OPRM1: variants seen among roughly 807,000 people sequenced by gnomAD.
The protein encoded by OPRM1 is opioid receptor mu 1.
OPRM1 carries 27 observed loss-of-function variants against 31.8 expected under a neutral mutation model. The observed-to-expected ratio is 0.85, with a 90% CI of 0.63 to 1.17. OPRM1 has a LOEUF of 1.17. Among genes scored for constraint, OPRM1 ranks in the 50% most tolerant of loss-of-function variants. OPRM1 has a pLI of 0.00. For missense variants in OPRM1, 536 were observed against 511.1 expected (o/e 1.05, Z -0.47); for synonymous variants, 196 against 189.9 (o/e 1.03, Z -0.26).
At chr6:154,166,202 G>T (rs1799410441) in intron 3 of OPRM1, among the ~76,000 whole-genome samples, 1 of 152,230 alleles carries the variant, frequency 6.6e-6, no homozygotes. Context: ...TGACAGAAAA[G>T]CAAAAGCTGC....
At position 154,091,103 on chromosome 6, in the gene OPRM1, C is replaced by T. The variant is rs1482798994; in HGVS notation, c.795C>T (p.Arg265=). The change falls in exon 3 of 4, where the codon CGC becomes CGT. Residue 265 remains arginine (R), a synonymous_variant. Coordinates refer to ENST00000330432, the MANE Select transcript of OPRM1 (RefSeq NM_000914.5). ...TGATCTTGCGCCTCAAGAGTGTCCG[C>T]ATGCTCTCTGGCTCCAAAGAAAAGG... is the stretch of plus-strand genomic sequence containing the variant. ...GLMILRLKSV[R]MLSGSKEKDR... is the part of the protein sequence containing the mutation. 2.5e-6 allele frequency: 4 copies of T among 1,614,064 alleles called. No homozygotes were observed. Among genetic ancestry groups the T allele is most frequent in the Non-Finnish European group, 3.4e-6 (4 of 1,180,038 alleles).
At position 154,074,683 on chromosome 6, in the gene OPRM1, C is replaced by T. The variant is rs561008455; in HGVS notation, c.291-15143C>T. On this transcript the variant is annotated intron_variant, in intron 1 of 3. Coordinates refer to ENST00000330432, the MANE Select transcript of OPRM1 (RefSeq NM_000914.5). ...GCTGAGGCAGGAGAATTGCTTGAACCTGGGAGGTGGGAGGTTGCAGTGAGC... is the reference window on the plus strand; with the variant it reads ...GCTGAGGCAGGAGAATTGCTTGAACTTGGGAGGTGGGAGGTTGCAGTGAGC... 2.6e-5 allele frequency among the ~76,000 whole-genome samples: 4 copies of T among 152,132 alleles called. No homozygotes were observed. The South Asian group carries it at 8.3e-4, about 32-fold the overall frequency.
At chr6:154,029,850 C>A (rs1038121014) in intron 1 of OPRM1, among the ~76,000 whole-genome samples, 6 of 152,188 alleles carry the variant, frequency 3.9e-5, no homozygotes, top group Non-Finnish European at 8.8e-5. Flanking sequence ...CTTCTCCTTG[C>A]CGCTGCCATG....
At chr6:154,100,137 A>AT (rs1491325160) in intron 3 of OPRM1, among the ~76,000 whole-genome samples, 19 of 95,024 alleles carry the variant, frequency 2.0e-4, no homozygotes, top group African/African-American at 3.1e-4. Flanking sequence ...ATGACATATA[A>AT]TATATATTAT....
chr6:154,077,844 C>A (rs1788212911), intron 1 of OPRM1, among the ~76,000 whole-genome samples: 1 of 151,864 alleles, frequency 6.6e-6, no homozygotes, highest in African/African-American at 2.4e-5. Context: ...TTTTCTAAAT[C>A]ATTGGCTTCC....
At chr6:154,047,859 T>C (rs1781464857) in intron 1 of OPRM1, among the ~76,000 whole-genome samples, 1 of 152,184 alleles carries the variant, frequency 6.6e-6, no homozygotes, top group South Asian at 2.1e-4. Flanking sequence ...ACTCTTACAG[T>C]GCTGGAGGCT....
intron 1 of OPRM1, among the ~76,000 whole-genome samples, chr6:154,014,397 A>C (rs1777892373): frequency 6.6e-6 from 1 of 152,312 alleles, no homozygotes; most frequent in East Asian, 1.9e-4. Context: ...TACAATGGAC[A>C]AAAAGCTGAG....
At chr6:154,102,617 T>A (rs1795003975) in intron 3 of OPRM1, among the ~76,000 whole-genome samples, 2 of 152,102 alleles carry the variant, frequency 1.3e-5, no homozygotes, top group Non-Finnish European at 2.9e-5. Flanking sequence ...GCATCCTTTG[T>A]CTCAACACAC....
intron 3 of OPRM1, among the ~76,000 whole-genome samples, chr6:154,232,434 T>C (rs1779796191): frequency 6.6e-6 from 1 of 152,144 alleles, no homozygotes; most frequent in Admixed American, 6.5e-5. Context: ...GATCACAGCC[T>C]TAAGAGGAAA....
chr6:154,184,806 C>T (rs1313978096), intron 3 of OPRM1, among the ~76,000 whole-genome samples: 1 of 151,916 alleles, frequency 6.6e-6, no homozygotes, highest in Non-Finnish European at 1.5e-5. Flanking sequence ...AGTATAGTAT[C>T]TTTCTAGATT....
Position 154,119,080 on chromosome 6 carries a change from T to C in OPRM1, c.*359T>C. The C allele has an allele frequency of 2.9e-6, 3 of 1,023,338 alleles. No homozygotes were observed. The highest frequency in any genetic ancestry group is 3.5e-6 in the Non-Finnish European group (3 of 854,324). 63.4% of individuals were successfully genotyped at this position (1,023,338 alleles called of 1,614,324 possible). On this transcript the variant is annotated 3_prime_UTR_variant, in exon 4 of 4. Transcript: ENST00000330432. ...TTATGACCTCAACAAAGAAGAACCATCTTTTGTTAAGTTCACCGTAGTAAC... is the reference window on the plus strand; with the variant it reads ...TTATGACCTCAACAAAGAAGAACCACCTTTTGTTAAGTTCACCGTAGTAAC...
chr6:154,065,376 T>C (rs1252080782), intron 1 of OPRM1, among the ~76,000 whole-genome samples: 3 of 152,028 alleles, frequency 2.0e-5, no homozygotes, highest in Non-Finnish European at 4.4e-5. Flanking sequence ...TCTCCATCTC[T>C]TGACCTTGTG....
intron 1 of OPRM1, among the ~76,000 whole-genome samples, chr6:154,019,147 C>G (rs1778189117): frequency 6.9e-6 from 1 of 144,958 alleles, no homozygotes; most frequent in South Asian, 2.2e-4. Context: ...AAAATGTACA[C>G]TTAAATTATG....
intron 3 of OPRM1, chr6:154,108,288 C>A (rs1036620427): frequency 6.4e-6 from 2 of 314,506 alleles, no homozygotes; most frequent in African/African-American, 2.2e-5. Flanking sequence ...ATCTTTAATC[C>A]GACCTCTGAC....
chr6:154,014,316 T>TA, intron 1 of OPRM1, among the ~76,000 whole-genome samples: 1 of 152,192 alleles, frequency 6.6e-6, no homozygotes, highest in Middle Eastern at 3.4e-3. Context: ...GATTTTACTC[T>TA]AAGAAAGATA....
chr6:154,077,304 G>A (rs1252653884), intron 1 of OPRM1, among the ~76,000 whole-genome samples: 1 of 151,856 alleles, frequency 6.6e-6, no homozygotes, highest in Non-Finnish European at 1.5e-5. Context: ...TGTTTTTAGA[G>A]ACAGAGTTTC....
chr6:154,090,196 C>T lies in OPRM1; in HGVS notation c.643+18C>T, dbSNP rs914204741. The stretch of plus-strand genomic sequence containing the variant: ...CAGGCAAGGTGAGTGATGTTACCAG[C>T]CTGAGGGAAGGAGGGTTCACAGCCT... On this transcript the variant is annotated intron_variant, in intron 2 of 3. Transcript: ENST00000330432. 3.9e-6 allele frequency: 6 copies of T among 1,557,918 alleles called. No individual in the cohort carries two copies. Among genetic ancestry groups the T allele is most frequent in the Admixed American group, 3.4e-5 (2 of 59,446 alleles).
rs187957228 is a variant in OPRM1, at chr6:154,229,515, C to T, written c.1165-17178C>T. On this transcript the variant is annotated intron_variant, in intron 3 of 3. Coordinates refer to the OPRM1 transcript ENST00000337049. ...CAGGCACCCGCCACCACACCCGGCT[C>T]ATTTTTTGTATTTTTTTTTTTTTAG... Among the ~76,000 whole-genome samples, 659 of 149,776 alleles carry T rather than the reference C, an allele frequency of 4.4e-3. 3 individuals are homozygous for T. The highest frequency in any genetic ancestry group is 0.015 in the African/African-American group (629 of 41,026).
At chr6:154,232,822 G>A (rs1010922385) in intron 3 of OPRM1, among the ~76,000 whole-genome samples, 1 of 152,020 alleles carries the variant, frequency 6.6e-6, no homozygotes, top group Non-Finnish European at 1.5e-5. Flanking sequence ...ACATAGATGT[G>A]TGTAATAATG....
Sources: allele counts gnomAD v4.1 joint callset (sites outside exome capture counted in the v4.1 genomes callset), GRCh38; gene constraint gnomAD v4.1.1; transcripts MANE v1.5; gene names NCBI Gene and HGNC (gene_info 2026-07-23, HGNC 2026-07-21).